The following HESX1 variants were observed in gnomAD, a reference collection of about 807,000 sequenced individuals.
HESX1 encodes the protein HESX homeobox 1, also known as homeobox expressed in ES cells 1.
In HESX1, 11 loss-of-function variants were observed where a neutral mutation model predicts 22.5. The observed-to-expected ratio is 0.49, with a 90% CI of 0.31 to 0.81. HESX1 has a LOEUF of 0.81. Ranked by LOEUF, HESX1 falls within the 30% of genes least tolerant of loss-of-function variation. The pLI, the probability that HESX1 is intolerant of heterozygous loss-of-function variation, is 0.05. For missense variants in HESX1, 201 were observed against 212.6 expected, an observed-to-expected ratio of 0.95 and a Z score of 0.34; for synonymous variants, 74 against 76.5, an observed-to-expected ratio of 0.97 and a Z score of 0.17.
chr3:57,199,040 C>T, intron 1 of HESX1, 88 bp from the exon 2 acceptor site: 1 of 1,223,490 alleles, frequency 8.2e-7, no homozygotes, highest in East Asian at 2.3e-5. Flanking sequence ...ACTCATCTTT[C>T]ATTTCCTAGT....
At chr3:57,203,329 C>T (rs1389626521), upstream of HESX1, among the ~76,000 whole-genome samples, 1 of 152,002 alleles carries the variant, frequency 6.6e-6, no homozygotes, top group African/African-American at 2.4e-5. Flanking sequence ...TTGAAAAAAG[C>T]GTGAGGAGAG....
At chr3:57,219,159 C>T (rs1352302414) in intron 1 of HESX1, among the ~76,000 whole-genome samples, 2 of 152,008 alleles carry the variant, frequency 1.3e-5, no homozygotes, top group East Asian at 1.9e-4. Context: ...CATTTAGCTC[C>T]GATTTGTAAG....
rs191360885 is a variant in HESX1 at position 57,208,439 on chromosome 3, C to T, written c.-110-8411G>A. Among the ~76,000 whole-genome samples the T allele has an allele frequency of 3.1e-3, 473 of 152,028 alleles. 2 individuals are homozygous for T. Among genetic ancestry groups the T allele is most frequent in the African/African-American group, 9.9e-3 (412 of 41,482 alleles). On this transcript the variant is annotated intron_variant, in intron 1 of 2. Coordinates refer to the HESX1 transcript ENST00000495160. The stretch of plus-strand genomic sequence containing the variant: ...TCAACTCACTGCAGCCTCTGCCTCC[C>T]GGGTTCAAGCGATTCTCCTGCCTCA...
intron 1 of HESX1, 43 bp downstream of exon 1, chr3:57,199,719 A>G: frequency 6.3e-7 from 1 of 1,595,582 alleles, no homozygotes; most frequent in Non-Finnish European, 8.6e-7. Flanking sequence ...TAAACACTGT[A>G]AATGAAATAA....
intron 1 of HESX1, among the ~76,000 whole-genome samples, chr3:57,226,045 T>C (rs1206947476): frequency 1.3e-5 from 2 of 152,128 alleles, no homozygotes; most frequent in Non-Finnish European, 2.9e-5. Flanking sequence ...GCCCGGCTAA[T>C]TTTTGTATTG....
rs936266895 is a variant in HESX1 at position 57,207,094 on chromosome 3, C to T, written c.-110-7066G>A. Reference sequence around the variant, plus strand: ...TCCTGAGTAACTGGGATTACAGGTGCGTGCCACCATGCCGGGCTAATTTTT... The same window carrying T: ...TCCTGAGTAACTGGGATTACAGGTGTGTGCCACCATGCCGGGCTAATTTTT... On this transcript the variant is annotated intron_variant, in intron 1 of 2. Transcript: ENST00000495160. Among the ~76,000 whole-genome samples, 6 of 152,170 alleles carry T rather than the reference C, an allele frequency of 3.9e-5. No homozygotes were observed. The East Asian group carries it at 5.8e-4, about 15-fold the overall frequency.
At chr3:57,214,903 T>C (rs1443692663) in intron 1 of HESX1, among the ~76,000 whole-genome samples, 1 of 152,106 alleles carries the variant, frequency 6.6e-6, no homozygotes, top group African/African-American at 2.4e-5. Context: ...GGAATATAGA[T>C]GAAGGAGGGT....
intron 1 of HESX1, among the ~76,000 whole-genome samples, chr3:57,220,851 A>T (rs1460690293): frequency 1.3e-5 from 2 of 152,196 alleles, no homozygotes; most frequent in African/African-American, 4.8e-5. Flanking sequence ...AAGTCCTCAT[A>T]GTGGGCACAA....
At chr3:57,210,320 C>T (rs1258533250) in intron 1 of HESX1, among the ~76,000 whole-genome samples, 3 of 152,010 alleles carry the variant, frequency 2.0e-5, no homozygotes, top group Non-Finnish European at 2.9e-5. Flanking sequence ...TAAATCTATT[C>T]ATGTTTTGAT....
rs1389048452 is a variant in HESX1, at chr3:57,197,954, T to C, written c.*243A>G. The C allele has an allele frequency of 6.0e-6, 2 of 333,610 alleles. No individual in the cohort carries two copies. Among genetic ancestry groups the C allele is most frequent in the Non-Finnish European group, 1.1e-5 (2 of 185,186 alleles). The allele number at this position is 333,610 out of a possible 1,614,324, so 20.7% of individuals were successfully genotyped here. On this transcript the variant is annotated 3_prime_UTR_variant, in exon 4 of 4. Coordinates refer to ENST00000295934, the MANE Select transcript of HESX1 (RefSeq NM_003865.3). ...ACTAATTTATTAGATTAATTTGGCT[T>C]ACTTAAAAAATAGCAATCTTTTCTG...
At chr3:57,217,592 T>A (rs2060589589) in intron 1 of HESX1, among the ~76,000 whole-genome samples, 1 of 152,112 alleles carries the variant, frequency 6.6e-6, no homozygotes, top group Non-Finnish European at 1.5e-5. Context: ...CTACTTGGGC[T>A]CTGACACCCC....
At chr3:57,224,017 G>T (rs1162327844) in intron 1 of HESX1, among the ~76,000 whole-genome samples, 2 of 152,044 alleles carry the variant, frequency 1.3e-5, no homozygotes, top group South Asian at 4.1e-4. Flanking sequence ...AATTTAGACT[G>T]AGTCTCGCTT....
chr3:57,215,667 T>C (rs2107580771), intron 1 of HESX1, among the ~76,000 whole-genome samples: 1 of 152,268 alleles, frequency 6.6e-6, no homozygotes, highest in South Asian at 2.1e-4. Context: ...CTCAGGAGGC[T>C]GAGGCAGGAG....
chr3:57,223,036 T>C (rs2060623570), intron 1 of HESX1, among the ~76,000 whole-genome samples: 1 of 152,220 alleles, frequency 6.6e-6, no homozygotes. Context: ...TTTTACTGAA[T>C]GCTTATTGCG....
chr3:57,204,121 C>G (rs1161405818), upstream of HESX1, among the ~76,000 whole-genome samples: 3 of 152,150 alleles, frequency 2.0e-5, no homozygotes, highest in African/African-American at 4.8e-5. Flanking sequence ...ACCAACTGAC[C>G]TGCAGTTTTG....
intron 1 of HESX1, among the ~76,000 whole-genome samples, chr3:57,215,697 G>A (rs778917096): frequency 6.6e-6 from 1 of 152,118 alleles, no homozygotes; most frequent in Non-Finnish European, 1.5e-5. Flanking sequence ...AACCCGGGAG[G>A]CAGAGGTTGC....
rs1389865126 is a variant in HESX1 at position 57,198,494 on chromosome 3, T to G, written c.358-2A>C. The G allele has an allele frequency of 6.6e-7, 1 of 1,522,200 alleles. No individual in the cohort carries two copies. The highest frequency in any genetic ancestry group is 1.4e-5 in the African/African-American group (1 of 71,610). The allele number at this position is 1,522,200 out of a possible 1,614,324, so 94.3% of individuals were successfully genotyped here. ...AAAGACATTTTCTAACACTTCAATC[T>G]AAGAAAAAAAAATGTTGATATTCAG... On this transcript the variant is annotated splice_acceptor_variant, in intron 2 of 3. Transcript: ENST00000295934. LOFTEE classifies it high-confidence loss of function.
At chr3:57,213,728 C>T (rs1007835352) in intron 1 of HESX1, among the ~76,000 whole-genome samples, 6 of 152,174 alleles carry the variant, frequency 3.9e-5, no homozygotes, top group Non-Finnish European at 5.9e-5. Flanking sequence ...AGTTCAAGAC[C>T]ATCCTGGCCA....
intron 1 of HESX1, among the ~76,000 whole-genome samples, chr3:57,209,469 G>A (rs988686127): frequency 1.3e-5 from 2 of 151,884 alleles, no homozygotes; most frequent in Non-Finnish European, 2.9e-5. Flanking sequence ...GTGAAACCCC[G>A]TCACTACTAA....
Sources: allele counts gnomAD v4.1 joint callset (sites outside exome capture counted in the v4.1 genomes callset), GRCh38; gene constraint gnomAD v4.1.1; transcripts MANE v1.5; gene names NCBI Gene and HGNC (gene_info 2026-07-23, HGNC 2026-07-21).